The following SLC27A6 variants were observed in gnomAD, a reference collection of about 807,000 sequenced individuals.
SLC27A6 encodes the protein solute carrier family 27 member 6.
SLC27A6 carries 74 observed loss-of-function variants against 63.9 expected under a neutral mutation model. The observed-to-expected ratio is 1.16, with a 90% CI of 0.96 to 1.40. SLC27A6 has a LOEUF of 1.40. SLC27A6 is among the 40% of genes most tolerant of loss of function. SLC27A6 has a pLI of 0.00. For synonymous variants in SLC27A6, 287 were observed against 260.8 expected, an observed-to-expected ratio of 1.10 and a Z score of -0.97; for missense variants, 794 against 732.9, an observed-to-expected ratio of 1.08 and a Z score of -0.96.
intron 4 of SLC27A6, among the ~76,000 whole-genome samples, chr5:128,998,093 A>G (rs1751216709): frequency 6.8e-6 from 1 of 148,092 alleles, no homozygotes; most frequent in African/African-American, 2.5e-5. Flanking sequence ...CAATTTAGGC[A>G]ACATAGTGAC....
chr5:128,965,592 C>T lies in SLC27A6; in HGVS notation c.-546C>T, dbSNP rs577955419. The T allele has an allele frequency of 6.5e-6, 1 of 152,702 alleles. No individual in the cohort carries two copies. Among genetic ancestry groups the T allele is most frequent in the African/African-American group, 2.4e-5 (1 of 41,598 alleles). The allele number at this position is 152,702 out of a possible 1,614,324, so 9.5% of individuals were successfully genotyped here. ...CGCTGCGCTTCTCAGTCATCATCAT[C>T]CCAGCTTTTCCCGGCTCGAATTCAG... On this transcript the variant is annotated 5_prime_UTR_variant, in exon 1 of 10. Coordinates refer to ENST00000262462, the MANE Select transcript of SLC27A6 (RefSeq NM_001017372.3).
chr5:129,027,286 A>G lies in SLC27A6; in HGVS notation c.1409A>G (p.Gln470Arg). Residue 470 changes from glutamine to arginine, a missense_variant, in exon 7 of 10, where the codon CAG (glutamine) becomes CGG (arginine). Transcript: ENST00000262462. ...ACTGGAGACTTAATAGTCCAGGATC[A>G]GGACAATTTCCTTTATTTTTGGGAC... ...LNTGDLIVQD[Q>R]DNFLYFWDRT... 1 of 1,613,056 alleles carries G rather than the reference A, an allele frequency of 6.2e-7. No homozygotes were observed. Among genetic ancestry groups the G allele is most frequent in the Middle Eastern group, 1.7e-4 (1 of 6,032 alleles).
chr5:128,966,340 C>T lies in SLC27A6; in HGVS notation c.203C>T (p.Pro68Leu). ...DKFLSHAKRQ[P>L]RKPFIIYEGD... ...TTCTTGAGTCATGCCAAAAGACAACCTCGGAAACCTTTCATCATCTATGAG... is the reference window on the plus strand; with the variant it reads ...TTCTTGAGTCATGCCAAAAGACAACTTCGGAAACCTTTCATCATCTATGAG... Residue 68 changes from proline to leucine, a missense_variant, in exon 1 of 10, where the codon CCT becomes CTT. Physicochemically the swap from Pro to Leu is moderately conservative, Grantham distance 98. Coordinates refer to ENST00000262462, the MANE Select transcript of SLC27A6 (RefSeq NM_001017372.3). 6.2e-7 allele frequency: 1 copy of T among 1,614,136 alleles called. No individual in the cohort carries two copies.
rs1752461239 is a variant in SLC27A6 at position 129,033,095 on chromosome 5, T to C, written c.1684-11T>C. 1.9e-6 allele frequency: 3 copies of C among 1,593,842 alleles called. No homozygotes were observed. The highest frequency in any genetic ancestry group is 2.6e-6 in the Non-Finnish European group (3 of 1,167,808). On this transcript the variant is annotated splice_polypyrimidine_tract_variant and intron_variant, in intron 9 of 9. Coordinates refer to ENST00000262462, the MANE Select transcript of SLC27A6 (RefSeq NM_001017372.3). ...TAAATGATTCTACTCATCCTGGTAA[T>C]TGCTTTACAGGAAAAAATGGAAGCA...
At chr5:129,017,360 A>G (rs1751935438) in intron 5 of SLC27A6, among the ~76,000 whole-genome samples, 1 of 152,130 alleles carries the variant, frequency 6.6e-6, no homozygotes, top group African/African-American at 2.4e-5. Flanking sequence ...AAAAAATCAT[A>G]ATAGAAATTA....
intron 6 of SLC27A6, among the ~76,000 whole-genome samples, chr5:129,026,107 C>T (rs1752236230): frequency 1.3e-5 from 2 of 152,140 alleles, no homozygotes; most frequent in South Asian, 4.1e-4. Context: ...TTCACTCCAG[C>T]CTGGGTCACA....
intron 4 of SLC27A6, among the ~76,000 whole-genome samples, chr5:129,005,821 C>G (rs1751503284): frequency 6.6e-6 from 1 of 151,418 alleles, no homozygotes; most frequent in Non-Finnish European, 1.5e-5. Context: ...ACGGTGTTAG[C>G]CAGGATGGTC....
chr5:129,007,194 C>T (rs1377081977), intron 4 of SLC27A6, among the ~76,000 whole-genome samples: 1 of 151,532 alleles, frequency 6.6e-6, no homozygotes, highest in Non-Finnish European at 1.5e-5. Context: ...ACCTGTAATC[C>T]CAGCACTTTG....
At chr5:129,004,001 CAA>C in intron 4 of SLC27A6, among the ~76,000 whole-genome samples, 1 of 148,924 alleles carries the variant, frequency 6.7e-6, no homozygotes, top group East Asian at 2.0e-4. Flanking sequence ...ACCTCAAACT[CAA>C]AGTTAAGCAG....
intron 1 of SLC27A6, among the ~76,000 whole-genome samples, chr5:128,967,209 C>T (rs60790047): frequency 0.11 from 16,007 of 151,664 alleles, 1,424 homozygotes; most frequent in East Asian, 0.24. Flanking sequence ...GCATCCTTTT[C>T]TTTTTTTGAC....
intron 1 of SLC27A6, among the ~76,000 whole-genome samples, chr5:128,982,968 C>T (rs1750644411): frequency 6.6e-6 from 1 of 152,144 alleles, no homozygotes; most frequent in South Asian, 2.1e-4. Flanking sequence ...ACTGCTTAGT[C>T]CCACTTGACA....
At chr5:129,009,355 A>G (rs1433446900) in intron 4 of SLC27A6, among the ~76,000 whole-genome samples, 2 of 151,906 alleles carry the variant, frequency 1.3e-5, no homozygotes, top group Non-Finnish European at 2.9e-5. Flanking sequence ...CTATTTCTTG[A>G]TTTTTCAGTT....
chr5:129,029,798 C>CTCACATGTTATCTAA, intron 9 of SLC27A6, 91 bp downstream of exon 9: 1 of 1,170,616 alleles, frequency 8.5e-7, no homozygotes, highest in Non-Finnish European at 1.2e-6. Context: ...CTTTAGATAA[C>CTCACATGTTATCTAA]ATGTGAGTTA....
At chr5:129,028,302 C>A in intron 7 of SLC27A6, 43 bp from the exon 8 acceptor site, 2 of 1,350,776 alleles carry the variant, frequency 1.5e-6, no homozygotes, top group South Asian at 1.2e-5. Flanking sequence ...CCTAGTTTTT[C>A]AAATACAGGT....
intron 4 of SLC27A6, among the ~76,000 whole-genome samples, chr5:128,994,566 G>A (rs977798905): frequency 6.6e-6 from 1 of 152,144 alleles, no homozygotes; most frequent in Admixed American, 6.5e-5. Flanking sequence ...TTCAGGTAGA[G>A]CCAGAGAATG....
Position 128,989,261 on chromosome 5 carries a change from C to G in SLC27A6, c.844+503C>G, listed in dbSNP as rs544089701. Among the ~76,000 whole-genome samples, 6 of 152,134 alleles carry G rather than the reference C, an allele frequency of 3.9e-5. No individual in the cohort carries two copies. In the East Asian group the frequency reaches 9.6e-4, roughly 24 times the overall value. ...AAATTTACACTGCAAAAGTAAGAGC[C>G]CTGAAGAAATTGCTGAGGCCATCTT... is the stretch of plus-strand genomic sequence containing the variant. On this transcript the variant is annotated intron_variant, in intron 3 of 9. Coordinates refer to ENST00000262462, the MANE Select transcript of SLC27A6 (RefSeq NM_001017372.3).
chr5:128,966,279 GAA>G lies in SLC27A6; in HGVS notation c.145_146del (p.Lys49GlufsTer10), dbSNP rs780981135. ...CATTATAATTCGGCTGAAGAAGTAT[GAA>G]AAGAGAGGGGAGCTGGTGACTGTGC... is the stretch of plus-strand genomic sequence containing the variant. ...VLIIIRLKKYEKRGELVTVLD... is the reference protein window; with the variant it reads ...VLIIIRLKKYXKRGELVTVLD... On this transcript the variant is annotated frameshift_variant, in exon 1 of 10. Transcript: ENST00000262462. LOFTEE classifies it high-confidence loss of function. The G allele has an allele frequency of 1.9e-6, 3 of 1,613,938 alleles. No homozygotes were observed. In the East Asian group the frequency reaches 6.7e-5, roughly 36 times the overall value.
At chr5:128,977,005 G>T (rs1015937288) in intron 1 of SLC27A6, among the ~76,000 whole-genome samples, 1 of 152,098 alleles carries the variant, frequency 6.6e-6, no homozygotes, top group Non-Finnish European at 1.5e-5. Flanking sequence ...GTACCTTTTG[G>T]GAGTGATGAT....
intron 1 of SLC27A6, among the ~76,000 whole-genome samples, chr5:128,973,834 A>G (rs536696363): frequency 9.8e-5 from 15 of 152,316 alleles, no homozygotes; most frequent in Middle Eastern, 3.4e-3. Context: ...GAAATGCAGA[A>G]ATCACCTGTC....
Sources: allele counts gnomAD v4.1 joint callset (sites outside exome capture counted in the v4.1 genomes callset), GRCh38; gene constraint gnomAD v4.1.1; transcripts MANE v1.5; gene names NCBI Gene and HGNC (gene_info 2026-07-23, HGNC 2026-07-21).